B3GALT1: variants seen among roughly 807,000 people sequenced by gnomAD.
B3GALT1 encodes UDP-Gal:betaGlcNAc beta 1,3-galactosyltransferase, polypeptide 1.
B3GALT1 carries 10 observed loss-of-function variants against 23.2 expected under a neutral mutation model. The observed-to-expected ratio is 0.43, with a 90% CI of 0.27 to 0.73. The LOEUF (loss-of-function observed/expected upper bound fraction) is 0.73, where lower values mean the gene tolerates loss of function less well. B3GALT1 is among the 30% of genes least tolerant of loss of function. The pLI is 0.21. For synonymous variants in B3GALT1, 156 were observed against 141.5 expected, an observed-to-expected ratio of 1.10 and a Z score of -0.73; for missense variants, 299 against 405.4, an observed-to-expected ratio of 0.74 and a Z score of 2.25.
intron 3 of B3GALT1, among the ~76,000 whole-genome samples, chr2:167,729,819 A>C (rs1000907882): frequency 6.6e-6 from 1 of 152,112 alleles, no homozygotes; most frequent in Non-Finnish European, 1.5e-5. Context: ...GAAGTGGCCA[A>C]AATCCCTTTG....
intron 1 of B3GALT1, among the ~76,000 whole-genome samples, chr2:167,479,942 G>A (rs1699538612): frequency 6.6e-6 from 1 of 152,094 alleles, no homozygotes; most frequent in South Asian, 2.1e-4. Flanking sequence ...TAGGGATGTG[G>A]AAAATGGCCC....
At chr2:167,761,973 T>A (rs1228477794) in intron 3 of B3GALT1, among the ~76,000 whole-genome samples, 1 of 152,180 alleles carries the variant, frequency 6.6e-6, no homozygotes, top group African/African-American at 2.4e-5. Flanking sequence ...TGCAAATAAG[T>A]ATTAGTCAAA....
chr2:167,503,252 A>G (rs944440020), intron 2 of B3GALT1, among the ~76,000 whole-genome samples: 5 of 152,148 alleles, frequency 3.3e-5, no homozygotes, highest in Admixed American at 2.6e-4. Flanking sequence ...TATTACAAGC[A>G]GTGAATATAC....
At chr2:167,429,097 G>A (rs1417818283) in intron 1 of B3GALT1, among the ~76,000 whole-genome samples, 1 of 151,778 alleles carries the variant, frequency 6.6e-6, no homozygotes, top group Non-Finnish European at 1.5e-5. Flanking sequence ...GGCTAACACG[G>A]TGAAACCCCG....
At chr2:167,439,143 A>C (rs777877288) in intron 1 of B3GALT1, among the ~76,000 whole-genome samples, 1 of 152,210 alleles carries the variant, frequency 6.6e-6, no homozygotes, top group Non-Finnish European at 1.5e-5. Flanking sequence ...GTACGTCCTA[A>C]GTAGAGTTTG....
chr2:167,695,924 G>GTT (rs1686785267), intron 3 of B3GALT1, among the ~76,000 whole-genome samples: 1 of 152,136 alleles, frequency 6.6e-6, no homozygotes. Flanking sequence ...GGAAGTGACA[G>GTT]TTGTATACTG....
chr2:167,674,572 A>G (rs535777796), intron 3 of B3GALT1, among the ~76,000 whole-genome samples: 15 of 152,350 alleles, frequency 9.8e-5, no homozygotes, highest in Admixed American at 7.8e-4. Context: ...TAGTCCATCC[A>G]GAGTTCAATT....
rs192661673 is a variant in B3GALT1, at chr2:167,444,743, T to C, written c.-510-45434T>C. Among the ~76,000 whole-genome samples the C allele has an allele frequency of 5.6e-3, 848 of 152,330 alleles. 9 individuals are homozygous for C. Among genetic ancestry groups the C allele is most frequent in the African/African-American group, 0.02 (812 of 41,582 alleles). ...TTTATCATTTTTTATTGCATCTATTTGATTCTTCTCCCTTTTCTTCTTCAT... is the reference window on the plus strand; with the variant it reads ...TTTATCATTTTTTATTGCATCTATTCGATTCTTCTCCCTTTTCTTCTTCAT... On this transcript the variant is annotated intron_variant, in intron 1 of 4. Transcript: ENST00000392690.
At chr2:167,508,758 A>G (rs545961890) in intron 2 of B3GALT1, among the ~76,000 whole-genome samples, 6 of 151,844 alleles carry the variant, frequency 4.0e-5, no homozygotes, top group African/African-American at 1.5e-4. Context: ...AGTACAATTT[A>G]TTTTCTAAAC....
At chr2:167,295,507 T>A (rs899296393) in intron 1 of B3GALT1, among the ~76,000 whole-genome samples, 2 of 152,130 alleles carry the variant, frequency 1.3e-5, no homozygotes, top group Non-Finnish European at 2.9e-5. Context: ...TAGGTTAATA[T>A]GGGGGAAATA....
Position 167,566,914 on chromosome 2 carries a change from G to A in B3GALT1, c.-410+76637G>A, listed in dbSNP as rs181694046. ...AACAGCAATTTTTGAATCTTAGATC[G>A]TGAACCATCATCTGAATCCCCCGGG... is the stretch of plus-strand genomic sequence containing the variant. On this transcript the variant is annotated intron_variant, in intron 2 of 4. Transcript: ENST00000392690. Among the ~76,000 whole-genome samples the A allele has an allele frequency of 5.9e-5, 9 of 152,228 alleles. No individual in the cohort carries two copies. In the East Asian group the frequency reaches 9.6e-4, roughly 16 times the overall value.
intron 2 of B3GALT1, among the ~76,000 whole-genome samples, chr2:167,576,111 T>G (rs1238232649): frequency 6.6e-6 from 1 of 151,802 alleles, no homozygotes; most frequent in Non-Finnish European, 1.5e-5. Flanking sequence ...CTGATTTTTG[T>G]TCCAGGTGAT....
chr2:167,811,156 A>C (rs376013178), intron 3 of B3GALT1, among the ~76,000 whole-genome samples: 82 of 152,236 alleles, frequency 5.4e-4, no homozygotes, highest in African/African-American at 2.0e-3. Context: ...ATTGTAATGA[A>C]AATTGTAAGC....
Position 167,857,778 on chromosome 2 carries a change from ACTAT to A in B3GALT1, c.-229-11030_-229-11027del, listed in dbSNP as rs1690024715. Among the ~76,000 whole-genome samples, 7 of 152,234 alleles carry A rather than the reference ACTAT, an allele frequency of 4.6e-5. No homozygotes were observed. The South Asian group carries it at 1.2e-3, about 27-fold the overall frequency. On this transcript the variant is annotated intron_variant, in intron 4 of 4. Coordinates refer to ENST00000392690, the MANE Select transcript of B3GALT1 (RefSeq NM_020981.4). The stretch of plus-strand genomic sequence containing the variant: ...TTAAAAAGCTACTCTGCCAAATAAA[ACTAT>A]CTGTCATTGTCACCCAGGCATTCCT...
At chr2:167,539,385 G>A (rs901242129) in intron 2 of B3GALT1, among the ~76,000 whole-genome samples, 1 of 152,054 alleles carries the variant, frequency 6.6e-6, no homozygotes, top group Non-Finnish European at 1.5e-5. Context: ...TAATTTCTCC[G>A]AGTGGTAAAG....
intron 1 of B3GALT1, among the ~76,000 whole-genome samples, chr2:167,348,663 A>G (rs1440828815): frequency 6.6e-6 from 1 of 151,474 alleles, no homozygotes; most frequent in Non-Finnish European, 1.5e-5. Context: ...GGCATCACAG[A>G]TTTTTTTTTA....
At chr2:167,700,424 A>G (rs1233925322) in intron 3 of B3GALT1, among the ~76,000 whole-genome samples, 3 of 152,194 alleles carry the variant, frequency 2.0e-5, no homozygotes, top group Non-Finnish European at 4.4e-5. Flanking sequence ...TCATTGAAAA[A>G]CAAAAGGATA....
chr2:167,454,877 T>C (rs570161688), intron 1 of B3GALT1, among the ~76,000 whole-genome samples: 1 of 152,294 alleles, frequency 6.6e-6, no homozygotes, highest in South Asian at 2.1e-4. Context: ...CCTGCCACTT[T>C]CCAGCCAATG....
rs186961856 is a variant in B3GALT1, at chr2:167,867,205, C to T, written c.-229-1606C>T. ...CCTCCCAAAGTGCTGGGATTACAGGCGTGAGCCACCGCGCCCGGCCGAGAA... is the reference window on the plus strand; with the variant it reads ...CCTCCCAAAGTGCTGGGATTACAGGTGTGAGCCACCGCGCCCGGCCGAGAA... On this transcript the variant is annotated intron_variant, in intron 4 of 4. Coordinates refer to ENST00000392690, the MANE Select transcript of B3GALT1 (RefSeq NM_020981.4). Among the ~76,000 whole-genome samples the T allele has an allele frequency of 1.2e-3, 189 of 152,308 alleles. 1 individual carries two copies. The highest frequency in any genetic ancestry group is 4.0e-3 in the African/African-American group (166 of 41,560).
Sources: allele counts gnomAD v4.1 joint callset (sites outside exome capture counted in the v4.1 genomes callset), GRCh38; gene constraint gnomAD v4.1.1; transcripts MANE v1.5; gene names NCBI Gene and HGNC (gene_info 2026-07-23, HGNC 2026-07-21).